The following KIF1C variants were observed in gnomAD, a reference collection of about 807,000 sequenced individuals.
KIF1C encodes the protein kinesin family member 1C, also known as kinesin-like protein KIF1C.
A neutral mutation model predicts 126.5 loss-of-function variants in KIF1C; 61 were observed. The observed-to-expected ratio is 0.48, with a 90% CI of 0.39 to 0.60. The LOEUF (loss-of-function observed/expected upper bound fraction) is 0.60, where lower values mean the gene tolerates loss of function less well. Ranked by LOEUF, KIF1C falls within the 20% of genes least tolerant of loss-of-function variation. The pLI is 0.00. For synonymous variants in KIF1C, 640 were observed against 580.6 expected (o/e 1.10, Z -1.47); for missense variants, 1,315 against 1,489.2 (o/e 0.88, Z 1.93).
At position 5,024,231 on chromosome 17, in the gene KIF1C, A is replaced by C. The variant is rs1975163351; in HGVS notation, c.*80A>C. ...ACGCCCGAGACGCTGCTTCCCCAGA[A>C]GTGCTGGGGCAGGGAGGCCCAGGAG... On this transcript the variant is annotated 3_prime_UTR_variant, in exon 23 of 23. Coordinates refer to ENST00000320785, the MANE Select transcript of KIF1C (RefSeq NM_006612.6). 1 of 1,054,846 alleles carries C rather than the reference A, an allele frequency of 9.5e-7. No homozygotes were observed. The highest frequency in any genetic ancestry group is 1.6e-5 in the African/African-American group (1 of 61,504). 65.3% of individuals were successfully genotyped at this position (1,054,846 alleles called of 1,614,324 possible). A position where few individuals can be genotyped will look rare whatever the true frequency, so the allele number is the denominator to read the frequency against.
At position 5,004,918 on chromosome 17, in the gene KIF1C, G is replaced by T; in HGVS notation, c.1083G>T (p.Arg361=). Residue 361 remains arginine (R), a synonymous_variant, in exon 13 of 23, where the codon CGG becomes CGT. Coordinates refer to ENST00000320785, the MANE Select transcript of KIF1C (RefSeq NM_006612.6). ...NAIINEDPNA[R]LIRELQEEVA... ...TCATCAACGAGGACCCTAATGCCCGGCTGATTAGAGAGCTGCAGGAGGAAG... is the reference window on the plus strand; with the variant it reads ...TCATCAACGAGGACCCTAATGCCCGTCTGATTAGAGAGCTGCAGGAGGAAG... 6.2e-7 allele frequency: 1 copy of T among 1,614,242 alleles called. No individual in the cohort carries two copies. The highest frequency in any genetic ancestry group is 8.5e-7 in the Non-Finnish European group (1 of 1,180,050).
intron 17 of KIF1C, chr17:5,014,198 G>A (rs1974925388): frequency 5.7e-6 from 1 of 176,040 alleles, no homozygotes; most frequent in Non-Finnish European, 1.2e-5. Flanking sequence ...TCCCACCACA[G>A]GCATTCGTGG....
In KIF1C at chr17:5,025,968, C is replaced by T. The variant is rs1414740461; in HGVS notation, c.*1817C>T. On this transcript the variant is annotated 3_prime_UTR_variant, in exon 23 of 23. Coordinates refer to ENST00000320785, the MANE Select transcript of KIF1C (RefSeq NM_006612.6). ...GGCTTGCCAGACTCTGGAGTCCCCA[C>T]ATTTTCATCCTGTTCTCAGGAAAAC... 1 of 152,208 alleles carries T rather than the reference C, an allele frequency of 6.6e-6. No homozygotes were observed. Among genetic ancestry groups the T allele is most frequent in the African/African-American group, 2.4e-5 (1 of 41,450 alleles). 9.4% of individuals were successfully genotyped at this position (152,208 alleles called of 1,614,324 possible). A position where few individuals can be genotyped will look rare whatever the true frequency, so the allele number is the denominator to read the frequency against.
intron 21 of KIF1C, 123 bp downstream of exon 21, chr17:5,021,001 A>G: frequency 1.3e-6 from 1 of 782,810 alleles, no homozygotes; most frequent in South Asian, 1.6e-5. Context: ...GGAAGGGTCC[A>G]AGAGGAAAAA....
At position 5,022,175 on chromosome 17, in the gene KIF1C, G is replaced by A; in HGVS notation, c.2094G>A (p.Gln698=). The A allele has an allele frequency of 6.2e-7, 1 of 1,614,040 alleles. No individual in the cohort carries two copies. The highest frequency in any genetic ancestry group is 8.5e-7 in the Non-Finnish European group (1 of 1,179,972). ...GGCTCATCTCCTCCTTGCGGGAGCA[G>A]CTGCCGCCCACCACGGTCCAGACCA... ...SWRLISSLRE[Q]LPPTTVQTIV... The change falls in exon 22 of 23, where the codon CAG becomes CAA. Residue 698 remains glutamine (Q), a synonymous_variant. Transcript: ENST00000320785. This position sits in a 1 kb window ranked among gnomAD's most constrained non-coding sequence, Gnocchi z 4.9.
chr17:5,009,518 G>C (rs1974813153), intron 16 of KIF1C, among the ~76,000 whole-genome samples: 1 of 151,706 alleles, frequency 6.6e-6, no homozygotes, highest in Non-Finnish European at 1.5e-5. Flanking sequence ...GTCGGGCCTG[G>C]TGGCTCACAC....
rs1274824154 is a variant in KIF1C, at chr17:5,026,474, GC to G, written c.*2324del. 1 of 152,146 alleles carries G rather than the reference GC, an allele frequency of 6.6e-6. No homozygotes were observed. The highest frequency in any genetic ancestry group is 1.5e-5 in the Non-Finnish European group (1 of 68,072). 9.4% of individuals were successfully genotyped at this position (152,146 alleles called of 1,614,324 possible). On this transcript the variant is annotated 3_prime_UTR_variant, in exon 23 of 23. Transcript: ENST00000320785. ...ATTTTAAAAATCCACTTATGGCTGG[GC>G]ACAGAAGCTCACACCTGTAATCCCA...
chr17:5,007,391 G>A, intron 15 of KIF1C, 49 bp downstream of exon 15: 1 of 1,610,314 alleles, frequency 6.2e-7, no homozygotes. Flanking sequence ...AGGCCATGGG[G>A]GAGGTCAGGC....
At chr17:5,000,019 G>A in intron 2 of KIF1C, 49 bp downstream of exon 2, 1 of 546,574 alleles carries the variant, frequency 1.8e-6, no homozygotes, top group South Asian at 2.1e-5. Context: ...ATATGGCTGG[G>A]GAGAGAGGCA....
intron 18 of KIF1C, among the ~76,000 whole-genome samples, chr17:5,015,373 T>C (rs1299174082): frequency 6.6e-6 from 1 of 151,606 alleles, no homozygotes; most frequent in Non-Finnish European, 1.5e-5. Flanking sequence ...AGCCTCAACC[T>C]CCCGGGTTCA....
In KIF1C at chr17:5,028,242, A is replaced by G. The variant is rs1975241578; in HGVS notation, c.*4091A>G. ...CTTGGAAATTAATTTGCTTTTCTTC[A>G]TTGTCTTTCTTTGGAGCTGCTTTCC... On this transcript the variant is annotated 3_prime_UTR_variant, in exon 23 of 23. Transcript: ENST00000320785. 6.6e-6 allele frequency: 1 copy of G among 151,920 alleles called. No individual in the cohort carries two copies. The highest frequency in any genetic ancestry group is 1.5e-5 in the Non-Finnish European group (1 of 67,998). 9.4% of individuals were successfully genotyped at this position (151,920 alleles called of 1,614,324 possible).
chr17:5,009,206 G>T (rs544994981), intron 16 of KIF1C, among the ~76,000 whole-genome samples: 1 of 151,004 alleles, frequency 6.6e-6, no homozygotes, highest in African/African-American at 2.4e-5. Context: ...TTGAGACGGG[G>T]TCTTGTACTG....
In KIF1C at chr17:5,027,013, G is replaced by C. The variant is rs1356038109; in HGVS notation, c.*2862G>C. ...AGTAGTGCCTGTTTATTTTTCATCT[G>C]TGCTACCTGTGCCGGCATTCCATAT... On this transcript the variant is annotated 3_prime_UTR_variant, in exon 23 of 23. Coordinates refer to ENST00000320785, the MANE Select transcript of KIF1C (RefSeq NM_006612.6). 1 of 152,150 alleles carries C rather than the reference G, an allele frequency of 6.6e-6. No homozygotes were observed. Among genetic ancestry groups the C allele is most frequent in the African/African-American group, 2.4e-5 (1 of 41,422 alleles). The allele number at this position is 152,150 out of a possible 1,614,324, so 9.4% of individuals were successfully genotyped here.
chr17:5,019,841 G>A, intron 18 of KIF1C, 155 bp from the exon 19 acceptor site: 1 of 634,142 alleles, frequency 1.6e-6, no homozygotes, highest in Non-Finnish European at 2.9e-6. Flanking sequence ...CGTGCTGCCT[G>A]CCACCAGAGG....
At chr17:5,007,112 G>A (rs1463186016) in intron 14 of KIF1C, 28 bp downstream of exon 14, 1 of 1,582,194 alleles carries the variant, frequency 6.3e-7, no homozygotes, top group Admixed American at 1.9e-5. Context: ...GCAAGGGCTG[G>A]GGGTCTGGGC....
At position 5,022,606 on chromosome 17, in the gene KIF1C, G is replaced by C; in HGVS notation, c.2525G>C (p.Gly842Ala). ...DLRAHIDKLT[G>A]ILQEVKLQNS... ...CGGGCCCACATCGACAAGCTGACGG[G>C]GATTCTGCAGGAGGTGAAGCTGCAG... Residue 842 changes from glycine (G) to alanine (A), a missense_variant, in exon 22 of 23, where the codon GGG becomes GCG. Transcript: ENST00000320785. This position sits in a 1 kb window ranked among gnomAD's most constrained non-coding sequence, Gnocchi z 4.9. 3 of 1,606,586 alleles carry C rather than the reference G, an allele frequency of 1.9e-6. No individual in the cohort carries two copies.
At position 5,022,384 on chromosome 17, in the gene KIF1C, G is replaced by C; in HGVS notation, c.2303G>C (p.Arg768Pro). Reference sequence around the variant, plus strand: ...GCCCTGGCTGACTTCCGCCACGGGCGGGCTGAGATTGAGGCCCTGGCCGCC... The same window carrying C: ...GCCCTGGCTGACTTCCGCCACGGGCCGGCTGAGATTGAGGCCCTGGCCGCC... ...EVALADFRHG[R>P]AEIEALAALK... Residue 768 changes from arginine to proline, a missense_variant, in exon 22 of 23, where the codon CGG (arginine) becomes CCG (proline). Arg to Pro is a moderately radical substitution (Grantham distance 103). Transcript: ENST00000320785. The surrounding 1 kb of genome is among the most constrained non-coding windows in gnomAD (Gnocchi z 4.9). 6.3e-7 allele frequency: 1 copy of C among 1,580,888 alleles called. No individual in the cohort carries two copies. The highest frequency in any genetic ancestry group is 1.3e-5 in the African/African-American group (1 of 74,346).
In KIF1C at chr17:5,019,832, G is replaced by C. The variant is rs566219684; in HGVS notation, c.1667-164G>C. ...ACCCTCCTTCTGCTCTTCCTTTCCC[G>C]TGCTGCCTGCCACCAGAGGGGCCAT... On this transcript the variant is annotated intron_variant, in intron 18 of 22. Coordinates refer to ENST00000320785, the MANE Select transcript of KIF1C (RefSeq NM_006612.6). 6.4e-6 allele frequency: 4 copies of C among 627,638 alleles called. No individual in the cohort carries two copies. The Admixed American group carries it at 1.0e-4, about 16-fold the overall frequency. The allele number at this position is 627,638 out of a possible 1,614,324, so 38.9% of individuals were successfully genotyped here.
Position 5,024,302 on chromosome 17 carries a change from C to T in KIF1C, c.*151C>T, listed in dbSNP as rs1405314834. 12 of 570,882 alleles carry T rather than the reference C, an allele frequency of 2.1e-5. No homozygotes were observed. Among genetic ancestry groups the T allele is most frequent in the East Asian group, 3.3e-5 (1 of 30,732 alleles). The allele number at this position is 570,882 out of a possible 1,614,324, so 35.4% of individuals were successfully genotyped here. A position where few individuals can be genotyped will look rare whatever the true frequency, so the allele number is the denominator to read the frequency against. On this transcript the variant is annotated 3_prime_UTR_variant, in exon 23 of 23. Coordinates refer to ENST00000320785, the MANE Select transcript of KIF1C (RefSeq NM_006612.6). ...AGGTGATAGAAGACAAGGGGGAGAC[C>T]GAGCCGGAGGCTGAGGAAAGGAAGA...
Sources: allele counts gnomAD v4.1 joint callset (sites outside exome capture counted in the v4.1 genomes callset), GRCh38; gene constraint gnomAD v4.1.1; non-coding constraint Gnocchi (gnomAD v3.1); transcripts MANE v1.5; gene names NCBI Gene and HGNC (gene_info 2026-07-23, HGNC 2026-07-21).